Variants in XPO4 observed in about 807,000 individuals in gnomAD.
The protein encoded by XPO4 is exportin-4.
A neutral mutation model predicts 143.0 loss-of-function variants in XPO4; 39 were observed. That is an observed-to-expected ratio of 0.27 (90% CI 0.21 to 0.36). The LOEUF (loss-of-function observed/expected upper bound fraction) is 0.36, where lower values mean the gene tolerates loss of function less well. Among genes scored for constraint, XPO4 ranks in the 10% least tolerant of loss-of-function variants. The pLI is 1.00. For missense variants in XPO4, 907 were observed against 1,348.0 expected (o/e 0.67, Z 5.12); for synonymous variants, 439 against 474.0 (o/e 0.93, Z 0.96).
intron 9 of XPO4, among the ~76,000 whole-genome samples, chr13:20,818,279 C>T (rs887702954): frequency 2.4e-4 from 37 of 152,288 alleles, no homozygotes; most frequent in Non-Finnish European, 2.8e-4. Flanking sequence ...TTTGTGAACA[C>T]AGACTCTCAG....
At chr13:20,851,087 T>G (rs2060080248) in intron 4 of XPO4, 2 of 985,196 alleles carry the variant, frequency 2.0e-6, no homozygotes, top group South Asian at 9.4e-5. Flanking sequence ...TCTTGTTCAC[T>G]GTCATTTATA....
chr13:20,859,926 G>C, intron 3 of XPO4: 1 of 879,622 alleles, frequency 1.1e-6, no homozygotes, highest in Non-Finnish European at 1.4e-6. Context: ...GTGGTTCTCA[G>C]GTTGGGGAAT....
intron 12 of XPO4, 94 bp from the exon 13 acceptor site, chr13:20,807,728 T>C: frequency 1.1e-6 from 1 of 928,558 alleles, no homozygotes; most frequent in Non-Finnish European, 1.5e-6. Flanking sequence ...ATATACATCA[T>C]ATAAATTGAT....
rs941650859 is a variant in XPO4 at position 20,826,968 on chromosome 13, G to A, written c.840+99C>T. The stretch of plus-strand genomic sequence containing the variant: ...ATACTGATGAGAAGACAAGACTTTA[G>A]GGGAGAAAAGCAATCTGTTCTGTTT... On this transcript the variant is annotated intron_variant, in intron 7 of 22. Transcript: ENST00000255305. 1.3e-5 allele frequency: 10 copies of A among 765,858 alleles called. No individual in the cohort carries two copies. The Admixed American group carries it at 1.9e-4, about 15-fold the overall frequency. 47.4% of individuals were successfully genotyped at this position (765,858 alleles called of 1,614,324 possible). A position where few individuals can be genotyped will look rare whatever the true frequency, so the allele number is the denominator to read the frequency against.
intron 22 of XPO4, among the ~76,000 whole-genome samples, chr13:20,786,187 A>T (rs1348047614): frequency 6.6e-6 from 1 of 152,038 alleles, no homozygotes; most frequent in Non-Finnish European, 1.5e-5. Context: ...CGGGAAGTCT[A>T]GAGAAAGGAG....
intron 1 of XPO4, among the ~76,000 whole-genome samples, chr13:20,877,977 G>A (rs1293054305): frequency 2.0e-5 from 3 of 152,154 alleles, no homozygotes; most frequent in Non-Finnish European, 1.5e-5. Context: ...CAGGTAGATG[G>A]CTTGAGGTCA....
At chr13:20,880,670 G>C (rs867067416) in intron 1 of XPO4, among the ~76,000 whole-genome samples, 1 of 152,262 alleles carries the variant, frequency 6.6e-6, no homozygotes, top group South Asian at 2.1e-4. Flanking sequence ...AAAAAGGAAT[G>C]AAGCGGTAGG....
At chr13:20,791,966 C>G (rs2059285170) in intron 18 of XPO4, among the ~76,000 whole-genome samples, 1 of 152,144 alleles carries the variant, frequency 6.6e-6, no homozygotes, top group Non-Finnish European at 1.5e-5. Flanking sequence ...ACTGGTAAGC[C>G]TGGATTCTAC....
chr13:20,855,020 C>T (rs368626660), intron 4 of XPO4, among the ~76,000 whole-genome samples: 4 of 152,112 alleles, frequency 2.6e-5, no homozygotes, highest in East Asian at 3.9e-4. Flanking sequence ...TCAATAGAAA[C>T]GGCTAACAAT....
rs932460744 is a variant in XPO4, at chr13:20,862,938, G to A, written c.176-80C>T. The A allele has an allele frequency of 1.3e-5, 20 of 1,576,566 alleles. No homozygotes were observed. The African/African-American group carries it at 2.7e-4, about 22-fold the overall frequency. ...TTTTGCATTTATTAATTTTAAAACA[G>A]AACTTTTCAGACAAGGAATAAGATG... On this transcript the variant is annotated intron_variant, in intron 2 of 22. Coordinates refer to ENST00000255305, the MANE Select transcript of XPO4 (RefSeq NM_022459.5).
At chr13:20,823,466 T>C (rs868670364) in intron 7 of XPO4, among the ~76,000 whole-genome samples, 1 of 152,136 alleles carries the variant, frequency 6.6e-6, no homozygotes, top group Non-Finnish European at 1.5e-5. Context: ...TTTACTGACA[T>C]GCTTAAAATA....
intron 6 of XPO4, 110 bp downstream of exon 6, chr13:20,842,785 T>C (rs995552744): frequency 3.9e-5 from 40 of 1,017,590 alleles, no homozygotes; most frequent in Admixed American, 9.5e-5. Flanking sequence ...AAAAATCTTA[T>C]TTTCTTTCAA....
intron 6 of XPO4, among the ~76,000 whole-genome samples, chr13:20,839,888 C>T (rs1447618187): frequency 6.6e-6 from 1 of 152,074 alleles, no homozygotes; most frequent in Non-Finnish European, 1.5e-5. Context: ...ATGGCTGAGG[C>T]ATGAGAATCG....
intron 18 of XPO4, among the ~76,000 whole-genome samples, chr13:20,794,095 A>G (rs1208491822): frequency 6.6e-6 from 1 of 152,186 alleles, no homozygotes; most frequent in Non-Finnish European, 1.5e-5. Context: ...ATTATAGAAT[A>G]TTCTAGAAAT....
intron 6 of XPO4, among the ~76,000 whole-genome samples, chr13:20,842,160 G>A (rs1341503819): frequency 1.3e-5 from 2 of 152,118 alleles, no homozygotes; most frequent in African/African-American, 2.4e-5. Flanking sequence ...CAGGTGATTT[G>A]CCTAAGATGA....
At chr13:20,866,004 A>G in intron 2 of XPO4, 1 of 980,588 alleles carries the variant, frequency 1.0e-6, no homozygotes, top group African/African-American at 1.7e-5. Context: ...AAAGAAATCC[A>G]TTTCTCCCTG....
At chr13:20,844,633 C>A (rs894325007) in intron 4 of XPO4, among the ~76,000 whole-genome samples, 1 of 152,210 alleles carries the variant, frequency 6.6e-6, no homozygotes. Flanking sequence ...GCAAGCTTAT[C>A]CAACAGCTGA....
intron 1 of XPO4, among the ~76,000 whole-genome samples, chr13:20,893,564 T>A (rs35989546): frequency 0.057 from 8,707 of 151,798 alleles, 637 homozygotes; most frequent in African/African-American, 0.17. Flanking sequence ...ATGGTGAAAC[T>A]CCCTCACATG....
At chr13:20,822,055 T>G (rs193002064) in intron 8 of XPO4, 77 bp downstream of exon 8, 5 of 1,481,718 alleles carry the variant, frequency 3.4e-6, no homozygotes, top group Non-Finnish European at 4.5e-6. Flanking sequence ...AAAAAATAAC[T>G]AGTTTCTTTT....
Sources: gnomAD v4.1 joint callset for allele counts (sites outside exome capture counted in the v4.1 genomes callset) on GRCh38, gnomAD v4.1.1 for gene constraint, MANE v1.5 for transcripts, NCBI Gene and HGNC (gene_info 2026-07-23, HGNC 2026-07-21) for gene names.